Variants in MARK3 observed in about 807,000 individuals in gnomAD.
MARK3 encodes the protein microtubule affinity regulating kinase 3, also known as MAP/microtubule affinity-regulating kinase 3.
In MARK3, 46 loss-of-function variants were observed where a neutral mutation model predicts 90.1. The ratio of observed to expected loss-of-function variants is 0.51; its 90% CI spans 0.40 to 0.65. The LOEUF is 0.65. Ranked by LOEUF, MARK3 falls within the 30% of genes least tolerant of loss-of-function variation. The pLI is 0.00. For missense variants in MARK3, 818 were observed against 947.2 expected, an observed-to-expected ratio of 0.86 and a Z score of 1.79; for synonymous variants, 321 against 332.6, an observed-to-expected ratio of 0.97 and a Z score of 0.38.
chr14:103,443,513 G>A (rs754251991), intron 3 of MARK3, among the ~76,000 whole-genome samples: 31 of 152,184 alleles, frequency 2.0e-4, no homozygotes, highest in Non-Finnish European at 7.3e-5. Context: ...GATGGTAACG[G>A]AATTAAAAAG....
intron 2 of MARK3, chr14:103,412,369 G>T: frequency 1.6e-6 from 1 of 627,576 alleles, no homozygotes; most frequent in South Asian, 1.8e-5. Context: ...GCAGGGAAGG[G>T]AACTTTACTG....
intron 13 of MARK3, among the ~76,000 whole-genome samples, chr14:103,475,412 G>T (rs139821856): frequency 5.3e-5 from 8 of 152,212 alleles, no homozygotes; most frequent in Non-Finnish European, 1.0e-4. Context: ...CATTCTTGCT[G>T]CTGTAACAAA....
intron 15 of MARK3, among the ~76,000 whole-genome samples, chr14:103,493,480 A>G (rs1265719247): frequency 2.6e-5 from 4 of 152,100 alleles, no homozygotes; most frequent in African/African-American, 9.7e-5. Flanking sequence ...AAACAGAATC[A>G]GCCAAAGAGC....
chr14:103,457,723 A>G (rs1042448703), intron 6 of MARK3, among the ~76,000 whole-genome samples: 1 of 151,954 alleles, frequency 6.6e-6, no homozygotes, highest in Non-Finnish European at 1.5e-5. Flanking sequence ...GTCTTTATTA[A>G]TAATAATTAC....
At chr14:103,473,209 G>A (rs976762264) in intron 12 of MARK3, among the ~76,000 whole-genome samples, 1 of 152,212 alleles carries the variant, frequency 6.6e-6, no homozygotes, top group Non-Finnish European at 1.5e-5. Flanking sequence ...GGAAGTGGCT[G>A]TGGCTATGAA....
intron 15 of MARK3, among the ~76,000 whole-genome samples, chr14:103,495,800 T>C (rs1374501155): frequency 6.6e-6 from 1 of 152,248 alleles, no homozygotes; most frequent in Admixed American, 6.5e-5. Context: ...CTACTGACAG[T>C]TTGTTCTTAA....
chr14:103,430,670 G>A (rs918838126), intron 3 of MARK3, among the ~76,000 whole-genome samples: 5 of 152,168 alleles, frequency 3.3e-5, no homozygotes, highest in South Asian at 4.1e-4. Context: ...GTGAACACAC[G>A]TGTTAAAATA....
chr14:103,409,115 T>C (rs2091475945), intron 2 of MARK3, among the ~76,000 whole-genome samples: 1 of 152,210 alleles, frequency 6.6e-6, no homozygotes, highest in Non-Finnish European at 1.5e-5. Flanking sequence ...CTGTGGTGTT[T>C]ACTTCTAGTA....
chr14:103,468,314 C>CTTTTTTTTTTTTTTTTT (rs759932678), intron 12 of MARK3, 128 bp downstream of exon 12: 1 of 113,946 alleles, frequency 8.8e-6, no homozygotes, highest in African/African-American at 5.7e-5. Context: ...TTTCTTTCTT[C>CTTTTTTTTTTTTTTTTT]TTTTTTTTTT....
At chr14:103,403,425 A>G (rs1019719066) in intron 1 of MARK3, among the ~76,000 whole-genome samples, 5 of 151,968 alleles carry the variant, frequency 3.3e-5, no homozygotes, top group Admixed American at 6.6e-5. Flanking sequence ...GATAAAAAAG[A>G]GAAATTTCCC....
chr14:103,411,455 C>A (rs1336297022), intron 2 of MARK3, among the ~76,000 whole-genome samples: 1 of 152,118 alleles, frequency 6.6e-6, no homozygotes, highest in Non-Finnish European at 1.5e-5. Flanking sequence ...AGTTCTCTCC[C>A]AACAATTGAA....
At chr14:103,436,174 C>T (rs896972222) in intron 3 of MARK3, among the ~76,000 whole-genome samples, 11 of 152,140 alleles carry the variant, frequency 7.2e-5, no homozygotes, top group Admixed American at 7.2e-4. Flanking sequence ...ACAGGTGTGG[C>T]CACCGTGCCC....
At position 103,419,758 on chromosome 14, in the gene MARK3, A is replaced by G. The variant is rs536653081; in HGVS notation, c.244-8629A>G. On this transcript the variant is annotated intron_variant, in intron 2 of 17. Transcript: ENST00000429436. ...TAGACAGTGATGAATTTTTATTCAA[A>G]ACAACTGTAGTGACTGACAAAAAAA... Among the ~76,000 whole-genome samples, 30 of 152,308 alleles carry G rather than the reference A, an allele frequency of 2.0e-4. 1 individual carries two copies. In the South Asian group the frequency reaches 6.2e-3, roughly 32 times the overall value.
intron 17 of MARK3, among the ~76,000 whole-genome samples, chr14:103,501,385 G>A (rs2075656100): frequency 6.6e-6 from 1 of 152,186 alleles, no homozygotes; most frequent in South Asian, 2.1e-4. Context: ...CAAGTAAGTT[G>A]GGGCCTGACC....
intron 3 of MARK3, among the ~76,000 whole-genome samples, chr14:103,438,603 C>G (rs958722693): frequency 3.3e-5 from 5 of 152,008 alleles, no homozygotes; most frequent in African/African-American, 1.2e-4. Context: ...TTAATTTTTC[C>G]TGATGTTGCT....
At chr14:103,496,122 C>T (rs2075323180) in intron 15 of MARK3, among the ~76,000 whole-genome samples, 1 of 152,214 alleles carries the variant, frequency 6.6e-6, no homozygotes, top group African/African-American at 2.4e-5. Flanking sequence ...GCCAGGCACA[C>T]GCAAGTGCCT....
At chr14:103,426,792 C>A (rs1171268229) in intron 2 of MARK3, among the ~76,000 whole-genome samples, 1 of 152,048 alleles carries the variant, frequency 6.6e-6, no homozygotes, top group Non-Finnish European at 1.5e-5. Flanking sequence ...TGCTAGGTGA[C>A]CCTGCTGTTG....
At chr14:103,440,437 G>C (rs1036350803) in intron 3 of MARK3, among the ~76,000 whole-genome samples, 2 of 152,174 alleles carry the variant, frequency 1.3e-5, no homozygotes, top group African/African-American at 4.8e-5. Flanking sequence ...GTGTGTAAGA[G>C]AGCACAAGTA....
chr14:103,474,199 C>T (rs551869742), intron 12 of MARK3, among the ~76,000 whole-genome samples: 3 of 152,204 alleles, frequency 2.0e-5, no homozygotes, highest in East Asian at 1.9e-4. Context: ...AGCTAGACTC[C>T]GTCTCGAAAA....
Sources: gnomAD v4.1 joint callset for allele counts (sites outside exome capture counted in the v4.1 genomes callset) on GRCh38, gnomAD v4.1.1 for gene constraint, MANE v1.5 for transcripts, NCBI Gene and HGNC (gene_info 2026-07-23, HGNC 2026-07-21) for gene names.